The following SLC8A3 variants were observed in gnomAD, a reference collection of about 807,000 sequenced individuals.
The protein encoded by SLC8A3 is sodium/calcium exchanger 3.
SLC8A3 carries 37 observed loss-of-function variants against 65.4 expected under a neutral mutation model. The ratio of observed to expected loss-of-function variants is 0.57; its 90% confidence interval spans 0.44 to 0.74. The LOEUF (loss-of-function observed/expected upper bound fraction) is 0.74. Ranked by LOEUF, SLC8A3 falls within the 30% of genes least tolerant of loss-of-function variation. The pLI is 0.00. For synonymous variants in SLC8A3, 461 were observed against 444.5 expected (o/e 1.04, Z -0.47); for missense variants, 1,112 against 1,172.1 (o/e 0.95, Z 0.75).
chr14:70,187,835 C>T (rs1038465990), intron 1 of SLC8A3, among the ~76,000 whole-genome samples: 1 of 152,084 alleles, frequency 6.6e-6, no homozygotes, highest in Non-Finnish European at 1.5e-5. Context: ...GCGGTGGAGT[C>T]CCGAGATTGG....
intron 2 of SLC8A3, among the ~76,000 whole-genome samples, chr14:70,118,523 T>C (rs1893813315): frequency 1.3e-5 from 2 of 152,222 alleles, no homozygotes; most frequent in African/African-American, 4.8e-5. Context: ...TTATTCTCCC[T>C]TGTTTCTGTG....
chr14:70,087,174 T>C (rs7151975), intron 2 of SLC8A3, among the ~76,000 whole-genome samples: 28,741 of 152,206 alleles, frequency 0.19, 2,880 homozygotes, highest in Non-Finnish European at 0.22. Flanking sequence ...ATCTTTCTTA[T>C]CTCCAGATGT....
intron 2 of SLC8A3, among the ~76,000 whole-genome samples, chr14:70,144,626 C>T (rs1302846460): frequency 1.6e-5 from 1 of 63,660 alleles, no homozygotes; most frequent in Non-Finnish European, 3.0e-5. Flanking sequence ...CGAGACTCCA[C>T]CTAAAAAAAA....
chr14:70,133,804 CA>C (rs1319694102), intron 2 of SLC8A3, among the ~76,000 whole-genome samples: 1 of 152,140 alleles, frequency 6.6e-6, no homozygotes, highest in African/African-American at 2.4e-5. Flanking sequence ...GATGGGGTAT[CA>C]AAAATAATCA....
intron 2 of SLC8A3, among the ~76,000 whole-genome samples, chr14:70,101,035 C>A (rs951535887): frequency 2.0e-5 from 3 of 152,066 alleles, no homozygotes; most frequent in African/African-American, 7.2e-5. Flanking sequence ...AATGAGTAGA[C>A]GATCTAAAAG....
chr14:70,184,624 G>A (rs189714884), intron 1 of SLC8A3, among the ~76,000 whole-genome samples: 72 of 152,182 alleles, frequency 4.7e-4, no homozygotes, highest in South Asian at 4.1e-4. Flanking sequence ...CCCATAGGAA[G>A]AGGTGCTCCT....
chr14:70,176,527 C>T (rs1897919884), intron 1 of SLC8A3, among the ~76,000 whole-genome samples: 2 of 152,238 alleles, frequency 1.3e-5, no homozygotes, highest in African/African-American at 2.4e-5. Flanking sequence ...GAAGGAACCT[C>T]ACCTGACTAT....
intron 2 of SLC8A3, among the ~76,000 whole-genome samples, chr14:70,068,419 C>T (rs1889679299): frequency 6.6e-6 from 1 of 152,148 alleles, no homozygotes; most frequent in Non-Finnish European, 1.5e-5. Context: ...CACTCTGTCA[C>T]CCAGGCCGGA....
At chr14:70,163,398 A>G (rs573614079) in intron 2 of SLC8A3, among the ~76,000 whole-genome samples, 1 of 152,306 alleles carries the variant, frequency 6.6e-6, no homozygotes, top group African/African-American at 2.4e-5. Context: ...AAACATGTGA[A>G]TTCGTGGATC....
chr14:70,055,390 A>G (rs887190626), intron 3 of SLC8A3, among the ~76,000 whole-genome samples: 1 of 151,370 alleles, frequency 6.6e-6, no homozygotes, highest in East Asian at 1.9e-4. Flanking sequence ...GGATTAAAGT[A>G]TTTTTTTTTC....
intron 2 of SLC8A3, among the ~76,000 whole-genome samples, chr14:70,094,989 C>A (rs1248225837): frequency 1.3e-5 from 2 of 152,246 alleles, no homozygotes; most frequent in African/African-American, 4.8e-5. Flanking sequence ...GTGTCCACAT[C>A]CTGGCTCAGG....
At chr14:70,057,590 T>C (rs1888308078) in intron 3 of SLC8A3, among the ~76,000 whole-genome samples, 2 of 152,320 alleles carry the variant, frequency 1.3e-5, no homozygotes, top group Non-Finnish European at 2.9e-5. Flanking sequence ...TCTCCATGAA[T>C]CCAAGACTTT....
intron 2 of SLC8A3, among the ~76,000 whole-genome samples, chr14:70,158,359 G>T (rs970054390): frequency 6.6e-6 from 1 of 152,166 alleles, no homozygotes; most frequent in Non-Finnish European, 1.5e-5. Context: ...AGGTCATGTG[G>T]AATACATGGG....
At chr14:70,145,432 G>T (rs2605) in intron 2 of SLC8A3, among the ~76,000 whole-genome samples, 16,088 of 152,260 alleles carry the variant, frequency 0.11, 1,158 homozygotes, top group Non-Finnish European at 0.16. Flanking sequence ...CACACCCACA[G>T]TGGCAACTAA....
intron 1 of SLC8A3, among the ~76,000 whole-genome samples, chr14:70,188,149 C>A (rs1228450720): frequency 6.6e-6 from 1 of 152,134 alleles, no homozygotes; most frequent in Non-Finnish European, 1.5e-5. Context: ...CAGATCTGCC[C>A]CCCCAACACT....
chr14:70,048,883 A>G lies in SLC8A3; in HGVS notation c.2273T>C (p.Ile758Thr). Residue 758 changes from isoleucine (I) to threonine (T), a missense_variant, in exon 6 of 7, where the codon ATC becomes ACC. Transcript: ENST00000356921. ...AATGATGGCGGTGAGCATGCCAATG[A>G]TGAGGATGGAGACGGCGAAGCAGGC... The part of the protein sequence containing the change: ...GWACFAVSIL[I>T]IGMLTAIIGD... 1 of 1,614,208 alleles carries G rather than the reference A, an allele frequency of 6.2e-7. No homozygotes were observed. Among genetic ancestry groups the G allele is most frequent in the Non-Finnish European group, 8.5e-7 (1 of 1,180,028 alleles).
intron 2 of SLC8A3, among the ~76,000 whole-genome samples, chr14:70,107,204 AGAAAG>A (rs1337751530): frequency 1.3e-5 from 2 of 152,096 alleles, no homozygotes; most frequent in African/African-American, 4.8e-5. Flanking sequence ...CTGGTGACTG[AGAAAG>A]GACATCATTT....
intron 3 of SLC8A3, among the ~76,000 whole-genome samples, chr14:70,057,360 C>T (rs932445254): frequency 6.6e-6 from 1 of 152,058 alleles, no homozygotes; most frequent in African/African-American, 2.4e-5. Context: ...TTATTCTGCT[C>T]CTTCCGGGAG....
intron 2 of SLC8A3, among the ~76,000 whole-genome samples, chr14:70,065,072 T>A (rs1394912978): frequency 3.3e-5 from 5 of 152,194 alleles, no homozygotes; most frequent in African/African-American, 1.2e-4. Flanking sequence ...CCCTGGGCAG[T>A]GGCCATGGGC....
Sources: gnomAD v4.1 joint callset for allele counts (sites outside exome capture counted in the v4.1 genomes callset) on GRCh38, gnomAD v4.1.1 for gene constraint, MANE v1.5 for transcripts, NCBI Gene and HGNC (gene_info 2026-07-23, HGNC 2026-07-21) for gene names.